The following ZNF768 variants were observed in gnomAD, a reference collection of about 807,000 sequenced individuals.
The protein encoded by ZNF768 is zinc finger protein 768.
ZNF768 carries 12 observed loss-of-function variants against 39.7 expected under a neutral mutation model. The observed-to-expected ratio is 0.30, with a 90% CI of 0.19 to 0.49. The LOEUF is 0.49. Ranked by LOEUF, ZNF768 falls within the 20% of genes least tolerant of loss-of-function variation. The pLI is 0.99. For missense variants in ZNF768, 613 were observed against 723.2 expected (o/e 0.85, Z 1.75); for synonymous variants, 360 against 288.4 (o/e 1.25, Z -2.52).
At position 30,525,702 on chromosome 16, in the gene ZNF768, G is replaced by A; in HGVS notation, c.438C>T (p.Ser146=). The A allele has an allele frequency of 6.2e-7, 1 of 1,613,810 alleles. No homozygotes were observed. The highest frequency in any genetic ancestry group is 8.5e-7 in the Non-Finnish European group (1 of 1,179,920). Residue 146 remains serine, a synonymous_variant, in exon 2 of 2, where the codon AGC becomes AGT. Transcript: ENST00000380412. ...CAGTGTTCTGGGATTCATATCTAGAGCTCTCAGATTCATAGCCAGGGCTCC... is the reference window on the plus strand; with the variant it reads ...CAGTGTTCTGGGATTCATATCTAGAACTCTCAGATTCATAGCCAGGGCTCC... ...EPRSPGYESE[S]SRYESQNTEL...
chr16:30,526,953 C>A, upstream of ZNF768: 1 of 985,552 alleles, frequency 1.0e-6, no homozygotes, highest in Non-Finnish European at 1.2e-6. Flanking sequence ...ACCGGACGCC[C>A]CGGAGCCCGC....
In ZNF768 at chr16:30,525,652, A is replaced by G; in HGVS notation, c.488T>C (p.Phe163Ser). 1 of 1,614,236 alleles carries G rather than the reference A, an allele frequency of 6.2e-7. No homozygotes were observed. Among genetic ancestry groups the G allele is most frequent in the Non-Finnish European group, 8.5e-7 (1 of 1,180,034 alleles). ...NTELKTQSPEFEAQSSKFQEG... is the reference protein window; with the variant it reads ...NTELKTQSPESEAQSSKFQEG... ...CTGGAATTTGGAACTTTGAGCTTCA[A>G]ATTCTGGGCTTTGGGTTTTGAGCTC... Residue 163 changes from phenylalanine (F) to serine (S), a missense_variant, in exon 2 of 2, where the codon TTT (phenylalanine) becomes TCT (serine). By Grantham distance (155) the Phe-to-Ser change is radical. This residue lies in a region of ZNF768 where 347 missense variants were observed against 326.1 expected (regional missense o/e 1.06). Coordinates refer to ENST00000380412, the MANE Select transcript of ZNF768 (RefSeq NM_024671.4).
rs1407234853 is a variant in ZNF768, at chr16:30,524,472, C to T, written c.*45G>A. On this transcript the variant is annotated 3_prime_UTR_variant, in exon 2 of 2. Transcript: ENST00000380412. ...CTAAAGGTTCCTCTAGCTCCCTGGC[C>T]CCTTATCTTCTGCCCACACCTCCCA... 1 of 1,565,278 alleles carries T rather than the reference C, an allele frequency of 6.4e-7. No homozygotes were observed.
In ZNF768 at chr16:30,524,225, T is replaced by A; in HGVS notation, c.*292A>T. 2.6e-5 allele frequency: 5 copies of A among 192,720 alleles called. No individual in the cohort carries two copies. Among genetic ancestry groups the A allele is most frequent in the Non-Finnish European group, 5.0e-5 (5 of 100,616 alleles). 11.9% of individuals were successfully genotyped at this position (192,720 alleles called of 1,614,324 possible). A position where few individuals can be genotyped will look rare whatever the true frequency, so the allele number is the denominator to read the frequency against. ...GTAATCCCCTGCCCTCCCCCCTCCC[T>A]GCTCTAGCAGTTGCCAAGCCAGGCA... On this transcript the variant is annotated 3_prime_UTR_variant, in exon 2 of 2. Coordinates refer to ENST00000380412, the MANE Select transcript of ZNF768 (RefSeq NM_024671.4).
chr16:30,526,423 C>G lies in ZNF768; in HGVS notation c.-10G>C. On this transcript the variant is annotated 5_prime_UTR_variant, in exon 1 of 2. Coordinates refer to ENST00000380412, the MANE Select transcript of ZNF768 (RefSeq NM_024671.4). Reference sequence around the variant, plus strand: ...ACGCCTCCCGCTCCATCCCCGCGGGCTCCCAGTGCAGCGGCGGCGGCGATG... The same window carrying G: ...ACGCCTCCCGCTCCATCCCCGCGGGGTCCCAGTGCAGCGGCGGCGGCGATG... The G allele has an allele frequency of 1.3e-6, 2 of 1,568,580 alleles. No homozygotes were observed. Among genetic ancestry groups the G allele is most frequent in the Non-Finnish European group, 1.7e-6 (2 of 1,160,318 alleles).
At chr16:30,526,146 G>A in intron 1 of ZNF768, 95 bp from the exon 2 acceptor site, 1 of 1,489,570 alleles carries the variant, frequency 6.7e-7, no homozygotes, top group Non-Finnish European at 8.9e-7. Flanking sequence ...AGGGTCGCTG[G>A]CCCCTAGACA....
At chr16:30,526,223 C>G in intron 1 of ZNF768, 103 bp downstream of exon 1, 7 of 1,552,868 alleles carry the variant, frequency 4.5e-6, no homozygotes, top group Non-Finnish European at 6.1e-6. Context: ...GCCCCTCCTT[C>G]GAGTCCCAGG....
upstream of ZNF768, chr16:30,526,759 C>CGGGCT (rs942521908): frequency 9.2e-6 from 7 of 756,856 alleles, no homozygotes; most frequent in African/African-American, 9.6e-5. Context: ...ACCCCGGCCC[C>CGGGCT]GGGCTGGGCT....
At chr16:30,527,372 GC>G (rs1007730076), upstream of ZNF768, 1 of 949,124 alleles carries the variant, frequency 1.1e-6, no homozygotes. Flanking sequence ...CAAGGAGACA[GC>G]CCCGCCCCGG....
Position 30,526,030 on chromosome 16 carries a change from T to G in ZNF768, c.110A>C (p.Glu37Ala). 1 of 1,496,892 alleles carries G rather than the reference T, an allele frequency of 6.7e-7. No individual in the cohort carries two copies. Among genetic ancestry groups the G allele is most frequent in the Non-Finnish European group, 8.9e-7 (1 of 1,126,546 alleles). The allele number at this position is 1,496,892 out of a possible 1,614,324, so 92.7% of individuals were successfully genotyped here. The change falls in exon 2 of 2, where the codon GAA becomes GCA. Residue 37 changes from glutamate to alanine, a missense_variant. This residue lies in a region of ZNF768 where 347 missense variants were observed against 326.1 expected (regional missense o/e 1.06). Transcript: ENST00000380412. ...GCCTTCTTGCTGAGAAATTTCCTCT[T>G]CCTCATTCTCACTCATGTTGCCTGC... ...YLRGNMSENE[E>A]EEISQQEGSG... is the part of the protein sequence containing the mutation.
At position 30,525,261 on chromosome 16, in the gene ZNF768, G is replaced by C. The variant is rs377230108; in HGVS notation, c.879C>G (p.Val293=). 5.9e-5 allele frequency: 96 copies of C among 1,614,046 alleles called. No individual in the cohort carries two copies. Among genetic ancestry groups the C allele is most frequent in the Non-Finnish European group, 7.7e-5 (91 of 1,180,006 alleles). Residue 293 remains valine (V), a synonymous_variant, in exon 2 of 2, where the codon GTC becomes GTG. Coordinates refer to ENST00000380412, the MANE Select transcript of ZNF768 (RefSeq NM_024671.4). ...HTGEKPYKCE[V]CSKAFSQSSD... ...AGCTCTGGGAGAAGGCCTTGCTGCA[G>C]ACCTCACATTTGTAGGGCTTCTCAC...
chr16:30,527,114 T>C (rs116839102), upstream of ZNF768: 4,194 of 985,278 alleles, frequency 4.3e-3, 145 homozygotes, highest in African/African-American at 0.068. Flanking sequence ...GAGCGACGCT[T>C]CCCGGCGCCA....
chr16:30,525,370 C>T lies in ZNF768; in HGVS notation c.770G>A (p.Gly257Asp). 1 of 1,614,040 alleles carries T rather than the reference C, an allele frequency of 6.2e-7. No individual in the cohort carries two copies. Among genetic ancestry groups the T allele is most frequent in the Non-Finnish European group, 8.5e-7 (1 of 1,179,956 alleles). The change falls in exon 2 of 2, where the codon GGC (glycine) becomes GAC (aspartate). Residue 257 changes from glycine (G) to aspartate (D), a missense_variant. Around this residue, in one of 4 missense-constraint regions of ZNF768, gnomAD observed 347 missense variants for 326.1 expected, o/e 1.06. Coordinates refer to ENST00000380412, the MANE Select transcript of ZNF768 (RefSeq NM_024671.4). ...GATGCCACAGATGTTAGGCCGAGGG[C>T]CCTGCCCACCCCTGGCCCGGCCACC... The part of the protein sequence containing the change: ...RRGGRARGGQ[G>D]PRPNICGICG...
In ZNF768 at chr16:30,526,537, C is replaced by T. The variant is rs2051326834; in HGVS notation, c.-124G>A. ...CAGCGCCGCCCAGGGGACTCGGCGG[C>T]CCAGCCCGGGCCCCCGAGGCCGGAC... On this transcript the variant is annotated 5_prime_UTR_variant, in exon 1 of 2. Coordinates refer to ENST00000380412, the MANE Select transcript of ZNF768 (RefSeq NM_024671.4). 9 of 1,101,936 alleles carry T rather than the reference C, an allele frequency of 8.2e-6. No homozygotes were observed. Among genetic ancestry groups the T allele is most frequent in the African/African-American group, 1.7e-5 (1 of 59,616 alleles). The allele number at this position is 1,101,936 out of a possible 1,614,324, so 68.3% of individuals were successfully genotyped here. A position where few individuals can be genotyped will look rare whatever the true frequency, so the allele number is the denominator to read the frequency against.
In ZNF768 at chr16:30,525,845, C is replaced by G. The variant is rs1371866029; in HGVS notation, c.295G>C (p.Glu99Gln). 1.3e-6 allele frequency: 2 copies of G among 1,529,190 alleles called. No individual in the cohort carries two copies. Among genetic ancestry groups the G allele is most frequent in the East Asian group, 4.5e-5 (2 of 44,308 alleles). The allele number at this position is 1,529,190 out of a possible 1,614,324, so 94.7% of individuals were successfully genotyped here. ...RSPGLVPPSP[E>Q]FAPRSPESDS... is the part of the protein sequence containing the mutation. ...GATTCAGGGCTTCTGGGTGCAAACTCAGGGCTTGGGGGCACAAGCCCAGGG... is the reference window on the plus strand; with the variant it reads ...GATTCAGGGCTTCTGGGTGCAAACTGAGGGCTTGGGGGCACAAGCCCAGGG... Residue 99 changes from glutamate to glutamine, a missense_variant, in exon 2 of 2, where the codon GAG becomes CAG. Physicochemically the swap from Glu to Gln is conservative, Grantham distance 29. Coordinates refer to ENST00000380412, the MANE Select transcript of ZNF768 (RefSeq NM_024671.4).
At chr16:30,530,019 C>T (rs182185446), upstream of ZNF768, among the ~76,000 whole-genome samples, 9 of 152,004 alleles carry the variant, frequency 5.9e-5, no homozygotes, top group South Asian at 2.1e-4. The surrounding 1 kb of genome is among the most constrained non-coding windows in gnomAD (Gnocchi z 4.4). Flanking sequence ...TTAGTAGAGA[C>T]GGGGTTTCAC....
Position 30,526,439 on chromosome 16 carries a change from G to A in ZNF768, c.-26C>T, listed in dbSNP as rs1263999761. 1.3e-6 allele frequency: 2 copies of A among 1,525,540 alleles called. No homozygotes were observed. Among genetic ancestry groups the A allele is most frequent in the African/African-American group, 2.9e-5 (2 of 69,852 alleles). 94.5% of individuals were successfully genotyped at this position (1,525,540 alleles called of 1,614,324 possible). On this transcript the variant is annotated 5_prime_UTR_variant, in exon 1 of 2. Coordinates refer to ENST00000380412, the MANE Select transcript of ZNF768 (RefSeq NM_024671.4). ...CCCCGCGGGCTCCCAGTGCAGCGGC[G>A]GCGGCGATGGCGGCCGATCCCGCGA...
chr16:30,529,735 G>A (rs757984301), upstream of ZNF768, among the ~76,000 whole-genome samples: 118 of 152,042 alleles, frequency 7.8e-4, no homozygotes, highest in Non-Finnish European at 1.4e-3. Flanking sequence ...TCCCAGCCGT[G>A]GTTCTCTCAA....
At chr16:30,532,391 A>G in the ZNF768 span, 1 of 1,286,438 alleles carries the variant, frequency 7.8e-7, no homozygotes, top group South Asian at 1.3e-5. Flanking sequence ...ACCCCAGGCC[A>G]GCTCTTGCGG....
Sources: allele counts gnomAD v4.1 joint callset (sites outside exome capture counted in the v4.1 genomes callset), GRCh38; gene constraint gnomAD v4.1.1; regional missense constraint gnomAD v4.1.1; non-coding constraint Gnocchi (gnomAD v3.1); transcripts MANE v1.5; gene names NCBI Gene and HGNC (gene_info 2026-07-23, HGNC 2026-07-21).